Variants in GRIP1 observed in about 807,000 individuals in gnomAD.
GRIP1 encodes glutamate receptor-interacting protein 1.
A neutral mutation model predicts 129.9 loss-of-function variants in GRIP1; 45 were observed. That is an observed-to-expected ratio of 0.35 (90% CI 0.27 to 0.44). The LOEUF (loss-of-function observed/expected upper bound fraction) is 0.44, where lower values mean the gene tolerates loss of function less well. GRIP1 is among the 20% of genes least tolerant of loss of function. The probability of loss-of-function intolerance (pLI) is 1.00; values close to 1 mark genes in which losing one functional copy is unlikely to be tolerated. For missense variants in GRIP1, 1,196 were observed against 1,396.8 expected (o/e 0.86, Z 2.29); for synonymous variants, 530 against 520.8 (o/e 1.02, Z -0.24).
At chr12:66,594,908 G>T (rs1008159856) in intron 2 of GRIP1, among the ~76,000 whole-genome samples, 1 of 152,158 alleles carries the variant, frequency 6.6e-6, no homozygotes, top group African/African-American at 2.4e-5. Context: ...AAGACAGTAA[G>T]GGATCAGAAC....
At chr12:66,773,708 A>C in intron 1 of GRIP1, among the ~76,000 whole-genome samples, 1 of 152,216 alleles carries the variant, frequency 6.6e-6, no homozygotes, top group Middle Eastern at 3.2e-3. Context: ...AAGTATAATA[A>C]TAAAAACAAA....
chr12:66,349,174 G>C lies in GRIP1; in HGVS notation c.3232C>G (p.Leu1078Val). Residue 1078 changes from leucine (L) to valine (V), a missense_variant, in exon 25 of 25, where the codon CTG (leucine) becomes GTG (valine). Transcript: ENST00000359742. The part of the protein sequence containing the change: ...VPLIAESGNK[L>V]DLVISRNPLA... ...GGGTTTCTACTAATAACCAGGTCCAGCTTATTCCCGGATTCTGCTATGAGG... is the reference window on the plus strand; with the variant it reads ...GGGTTTCTACTAATAACCAGGTCCACCTTATTCCCGGATTCTGCTATGAGG... 6.2e-7 allele frequency: 1 copy of C among 1,614,066 alleles called. No individual in the cohort carries two copies. Among genetic ancestry groups the C allele is most frequent in the Non-Finnish European group, 8.5e-7 (1 of 1,179,946 alleles).
At chr12:66,593,928 T>C (rs7302980) in intron 2 of GRIP1, among the ~76,000 whole-genome samples, 135,822 of 151,796 alleles carry the variant, frequency 0.89, 61,036 homozygotes, top group African/African-American at 0.98. Context: ...ATTAGCTGGG[T>C]GTGGTGGTGG....
chr12:66,503,329 T>G (rs1347203941), intron 7 of GRIP1, among the ~76,000 whole-genome samples: 1 of 151,832 alleles, frequency 6.6e-6, no homozygotes, highest in Non-Finnish European at 1.5e-5. Flanking sequence ...TACAACTTCC[T>G]AAACACACTG....
intron 1 of GRIP1, among the ~76,000 whole-genome samples, chr12:66,868,074 T>C (rs903757207): frequency 3.3e-5 from 5 of 152,164 alleles, no homozygotes; most frequent in Non-Finnish European, 7.4e-5. Flanking sequence ...ATCTCACTTA[T>C]GGGCTATAGA....
At chr12:66,676,356 G>C (rs763738394) in intron 1 of GRIP1, among the ~76,000 whole-genome samples, 4 of 152,090 alleles carry the variant, frequency 2.6e-5, no homozygotes, top group Non-Finnish European at 5.9e-5. Flanking sequence ...AGAAGAAATT[G>C]CAATTGCCAT....
chr12:66,646,136 A>G (rs2032345908), intron 1 of GRIP1, among the ~76,000 whole-genome samples: 1 of 152,220 alleles, frequency 6.6e-6, no homozygotes, highest in Non-Finnish European at 1.5e-5. Context: ...TTAAGTTTTC[A>G]GTTAAGTAGG....
chr12:66,715,965 T>C (rs1275883750), intron 1 of GRIP1, among the ~76,000 whole-genome samples: 1 of 152,020 alleles, frequency 6.6e-6, no homozygotes, highest in African/African-American at 2.4e-5. Flanking sequence ...ATTCTTCTCA[T>C]TGATGATGCT....
intron 1 of GRIP1, among the ~76,000 whole-genome samples, chr12:66,841,372 T>C (rs1255468531): frequency 1.3e-5 from 2 of 152,192 alleles, no homozygotes; most frequent in Non-Finnish European, 2.9e-5. Flanking sequence ...AAAGATGATA[T>C]GTGCTAGTAT....
intron 14 of GRIP1, among the ~76,000 whole-genome samples, chr12:66,429,312 G>A (rs934473617): frequency 5.9e-5 from 9 of 152,124 alleles, no homozygotes; most frequent in African/African-American, 1.9e-4. Context: ...GCAGCACCTC[G>A]GTTTCACTAA....
chr12:67,007,250 T>C (rs1252740212), intron 1 of GRIP1, among the ~76,000 whole-genome samples: 1 of 151,968 alleles, frequency 6.6e-6, no homozygotes, highest in Non-Finnish European at 1.5e-5. Context: ...ACACAAGAAG[T>C]AAAAAAGAAC....
intron 16 of GRIP1, among the ~76,000 whole-genome samples, chr12:66,402,411 C>T (rs1224026871): frequency 6.6e-6 from 1 of 152,132 alleles, no homozygotes; most frequent in Non-Finnish European, 1.5e-5. Flanking sequence ...GACTGAAAAT[C>T]GAGGGCTTTA....
intron 1 of GRIP1, among the ~76,000 whole-genome samples, chr12:66,834,258 G>A (rs1049842171): frequency 1.3e-5 from 2 of 149,868 alleles, no homozygotes. Flanking sequence ...ATTATAACAA[G>A]TGATTACACT....
At chr12:66,723,487 A>G (rs2036159483) in intron 1 of GRIP1, among the ~76,000 whole-genome samples, 1 of 151,050 alleles carries the variant, frequency 6.6e-6, no homozygotes, top group Admixed American at 6.6e-5. Flanking sequence ...TAATCTTTGT[A>G]TTTTTAGTAG....
At chr12:66,362,598 C>T (rs2137178344) in intron 23 of GRIP1, among the ~76,000 whole-genome samples, 1 of 151,956 alleles carries the variant, frequency 6.6e-6, no homozygotes, top group South Asian at 2.1e-4. Flanking sequence ...TGTAAGTGAA[C>T]ATTCTACAGA....
chr12:66,536,874 C>T (rs1294950041), intron 4 of GRIP1, among the ~76,000 whole-genome samples: 4 of 152,130 alleles, frequency 2.6e-5, no homozygotes, highest in Non-Finnish European at 5.9e-5. Context: ...TCTTCATAAT[C>T]AACCTGAGTT....
chr12:66,816,487 T>C (rs1181511162), intron 1 of GRIP1, among the ~76,000 whole-genome samples: 1 of 152,182 alleles, frequency 6.6e-6, no homozygotes, highest in East Asian at 1.9e-4. Context: ...AAGGTAACCA[T>C]AATAATCTCA....
chr12:67,013,508 AAATT>A (rs1467655983), intron 1 of GRIP1, among the ~76,000 whole-genome samples: 4 of 152,134 alleles, frequency 2.6e-5, no homozygotes, highest in Admixed American at 2.0e-4. Flanking sequence ...ACACAATTGA[AAATT>A]AGGAAGAAAG....
intron 1 of GRIP1, among the ~76,000 whole-genome samples, chr12:66,750,540 A>G (rs2037093158): frequency 6.6e-6 from 1 of 152,170 alleles, no homozygotes; most frequent in Admixed American, 6.6e-5. Flanking sequence ...GTCCTGTAGG[A>G]AACTGGGCAT....
Sources: allele counts gnomAD v4.1 joint callset (sites outside exome capture counted in the v4.1 genomes callset), GRCh38; gene constraint gnomAD v4.1.1; transcripts MANE v1.5; gene names NCBI Gene and HGNC (gene_info 2026-07-23, HGNC 2026-07-21).